The following DLGAP2 variants were observed in gnomAD, a reference collection of about 807,000 sequenced individuals.
DLGAP2 encodes disks large-associated protein 2.
Under a neutral mutation model 100.3 loss-of-function variants are expected in DLGAP2, and 26 were observed. That is an observed-to-expected ratio of 0.26 (90% CI 0.19 to 0.36). DLGAP2 has a LOEUF of 0.36. Ranked by LOEUF, DLGAP2 falls within the 10% of genes least tolerant of loss-of-function variation. The pLI is 1.00. For synonymous variants in DLGAP2, 886 were observed against 630.1 expected, an observed-to-expected ratio of 1.41 and a Z score of -6.08; for missense variants, 1,858 against 1,453.2, an observed-to-expected ratio of 1.28 and a Z score of -4.53.
Position 1,549,654 on chromosome 8 carries a change from C to G in DLGAP2, c.1201C>G (p.Pro401Ala), listed in dbSNP as rs769129102. Residue 401 changes from proline (P) to alanine (A), a missense_variant, in exon 5 of 15, where the codon CCC becomes GCC. Pro to Ala is a conservative substitution (Grantham distance 27). Coordinates refer to ENST00000637795, the MANE Select transcript of DLGAP2 (RefSeq NM_001346810.2). ...GCCGCTGCTGCACCAGGACGCCAAGCCCGCCCTGAGGCCGTGCCACTACCT... is the reference window on the plus strand; with the variant it reads ...GCCGCTGCTGCACCAGGACGCCAAGGCCGCCCTGAGGCCGTGCCACTACCT... Reference protein sequence around the residue: ...DKPLLHQDAKPALRPCHYLQV... With the variant: ...DKPLLHQDAKAALRPCHYLQV... 5.0e-5 allele frequency: 79 copies of G among 1,568,996 alleles called. No individual in the cohort carries two copies. Among genetic ancestry groups the G allele is most frequent in the Non-Finnish European group, 6.6e-5 (77 of 1,158,012 alleles).
intron 4 of DLGAP2, 69 bp downstream of exon 4, chr8:1,501,500 C>T (rs1248759599): frequency 2.1e-6 from 3 of 1,446,606 alleles, no homozygotes; most frequent in Admixed American, 2.1e-5. Context: ...GGGCACCTCC[C>T]ATCATGCGGA....
At chr8:1,666,446 G>A (rs913220907) in intron 8 of DLGAP2, among the ~76,000 whole-genome samples, 1 of 152,156 alleles carries the variant, frequency 6.6e-6, no homozygotes, top group African/African-American at 2.4e-5. Flanking sequence ...ACCGAGGTGG[G>A]TGGATCATCT....
intron 6 of DLGAP2, among the ~76,000 whole-genome samples, chr8:1,623,373 C>A (rs1386200105): frequency 6.6e-6 from 1 of 151,764 alleles, no homozygotes; most frequent in Non-Finnish European, 1.5e-5. Flanking sequence ...GACCTGGAAC[C>A]AGTGCGTGAT....
chr8:1,161,022 T>C (rs1233941019), intron 2 of DLGAP2, among the ~76,000 whole-genome samples: 1 of 152,246 alleles, frequency 6.6e-6, no homozygotes, highest in African/African-American at 2.4e-5. Flanking sequence ...TGCATTTACT[T>C]ATATCCAACT....
chr8:1,453,384 A>C (rs564341137), intron 3 of DLGAP2, among the ~76,000 whole-genome samples: 1 of 152,222 alleles, frequency 6.6e-6, no homozygotes, highest in Non-Finnish European at 1.5e-5. Flanking sequence ...TGAGAAAGAA[A>C]GACAGCCCAT....
intron 1 of DLGAP2, among the ~76,000 whole-genome samples, chr8:762,594 C>A (rs991129225): frequency 3.9e-5 from 6 of 152,108 alleles, no homozygotes; most frequent in African/African-American, 1.4e-4. Flanking sequence ...GCCACCTGGG[C>A]AGCCCTACCA....
chr8:892,587 G>A (rs979722849), intron 1 of DLGAP2, among the ~76,000 whole-genome samples: 7 of 152,182 alleles, frequency 4.6e-5, no homozygotes, highest in African/African-American at 1.7e-4. Context: ...GAAAGCAAAT[G>A]TGTGGTTAAA....
chr8:1,657,909 T>C (rs1798319952), intron 8 of DLGAP2, among the ~76,000 whole-genome samples: 1 of 152,078 alleles, frequency 6.6e-6, no homozygotes, highest in African/African-American at 2.4e-5. Flanking sequence ...GGACACATGG[T>C]TTTAGGGGGC....
intron 3 of DLGAP2, among the ~76,000 whole-genome samples, chr8:1,288,385 CGT>C (rs1206047419): frequency 1.6e-4 from 10 of 60,624 alleles, no homozygotes; most frequent in Admixed American, 5.7e-4. Flanking sequence ...TGGTTCAGTG[CGT>C]GTGTGTGTGT....
At chr8:1,304,660 C>G (rs115428374) in intron 3 of DLGAP2, among the ~76,000 whole-genome samples, 13 of 152,002 alleles carry the variant, frequency 8.6e-5, no homozygotes, top group African/African-American at 3.1e-4. Flanking sequence ...AAATACAGTG[C>G]GGAAGTGCTT....
chr8:1,668,738 A>C (rs987294097), intron 9 of DLGAP2, 60 bp downstream of exon 9: 1 of 1,423,232 alleles, frequency 7.0e-7, no homozygotes, highest in African/African-American at 1.4e-5. Flanking sequence ...AATAGCCTAG[A>C]ATAAGCCAAA....
At chr8:981,623 T>C (rs1218333739) in intron 2 of DLGAP2, among the ~76,000 whole-genome samples, 1 of 152,208 alleles carries the variant, frequency 6.6e-6, no homozygotes, top group African/African-American at 2.4e-5. Context: ...TACTAGTGAG[T>C]GTGAGGTGGT....
At chr8:980,600 C>G (rs148216523) in intron 2 of DLGAP2, among the ~76,000 whole-genome samples, 1 of 152,114 alleles carries the variant, frequency 6.6e-6, no homozygotes, top group Admixed American at 6.5e-5. Flanking sequence ...CTGTCCATGG[C>G]GCTGAACTCT....
At chr8:830,408 A>AT (rs966072686) in intron 1 of DLGAP2, among the ~76,000 whole-genome samples, 1 of 151,938 alleles carries the variant, frequency 6.6e-6, no homozygotes, top group Non-Finnish European at 1.5e-5. Flanking sequence ...CATTCTTTCC[A>AT]TTTTTTTGGA....
intron 3 of DLGAP2, among the ~76,000 whole-genome samples, chr8:1,457,013 G>C (rs28733445): frequency 0.15 from 23,131 of 152,224 alleles, 2,023 homozygotes; most frequent in South Asian, 0.27. Flanking sequence ...TCAGAGGGCT[G>C]CTTGGCTCTG....
intron 3 of DLGAP2, among the ~76,000 whole-genome samples, chr8:1,500,212 C>T (rs1202134120): frequency 1.3e-5 from 2 of 152,246 alleles, no homozygotes; most frequent in African/African-American, 2.4e-5. Flanking sequence ...CCAAATTCTC[C>T]CTTATCTGAT....
intron 3 of DLGAP2, among the ~76,000 whole-genome samples, chr8:1,330,786 G>T (rs1357592318): frequency 2.1e-5 from 3 of 141,730 alleles, no homozygotes; most frequent in Non-Finnish European, 3.0e-5. Context: ...TTCTGGGTGG[G>T]AGCACTGCTT....
rs191825360 is a variant in DLGAP2 at position 1,010,604 on chromosome 8, A to C, written c.73+102638A>C. 5.9e-5 allele frequency among the ~76,000 whole-genome samples: 9 copies of C among 152,304 alleles called. No individual in the cohort carries two copies. The East Asian group carries it at 9.6e-4, about 16-fold the overall frequency. ...AAGTCCAGTTTCACTTACGACATCA[A>C]ATGGAGCTTAATGATATAAACAAAA... On this transcript the variant is annotated intron_variant, in intron 2 of 14. Transcript: ENST00000637795.
intron 2 of DLGAP2, among the ~76,000 whole-genome samples, chr8:995,441 C>G (rs550061579): frequency 6.6e-6 from 1 of 152,334 alleles, no homozygotes; most frequent in African/African-American, 2.4e-5. Context: ...ATATTCCACA[C>G]AATCAAAAAC....
Sources: gnomAD v4.1 joint callset for allele counts (sites outside exome capture counted in the v4.1 genomes callset) on GRCh38, gnomAD v4.1.1 for gene constraint, MANE v1.5 for transcripts, NCBI Gene and HGNC (gene_info 2026-07-23, HGNC 2026-07-21) for gene names.